TSGA10: variants seen among roughly 807,000 people sequenced by gnomAD.
The protein encoded by TSGA10 is testis specific 10.
A neutral mutation model predicts 96.6 loss-of-function variants in TSGA10; 43 were observed. That is an observed-to-expected ratio of 0.44 (90% CI 0.35 to 0.57). TSGA10 has a LOEUF of 0.57. Ranked by LOEUF, TSGA10 falls within the 20% of genes least tolerant of loss-of-function variation. TSGA10 has a pLI of 0.01. For synonymous variants in TSGA10, 229 were observed against 269.9 expected (o/e 0.85, Z 1.48); for missense variants, 703 against 834.4 (o/e 0.84, Z 1.94).
At chr2:99,054,936 G>A (rs1180343370) in intron 16 of TSGA10, among the ~76,000 whole-genome samples, 2 of 152,126 alleles carry the variant, frequency 1.3e-5, no homozygotes, top group East Asian at 3.8e-4. Context: ...TAGCCATTAT[G>A]GGAAACAGTA....
chr2:99,130,034 C>G (rs2093004641), intron 1 of TSGA10, among the ~76,000 whole-genome samples: 1 of 152,166 alleles, frequency 6.6e-6, no homozygotes. Flanking sequence ...TCTAGTCTAT[C>G]ATTGGTGGGC....
chr2:99,129,754 T>G (rs1042316368), intron 1 of TSGA10, among the ~76,000 whole-genome samples: 2 of 152,162 alleles, frequency 1.3e-5, no homozygotes, highest in African/African-American at 4.8e-5. Context: ...TTAAAAAAAA[T>G]TATTTTTTCT....
intron 11 of TSGA10, among the ~76,000 whole-genome samples, chr2:99,080,979 G>C (rs55790299): frequency 0.014 from 2,152 of 152,196 alleles, 24 homozygotes; most frequent in Middle Eastern, 0.034. Flanking sequence ...AGCAGCTATG[G>C]ACAAGCTACA....
At chr2:99,073,134 G>C in intron 12 of TSGA10, 61 bp from the exon 13 acceptor site, 1 of 1,170,114 alleles carries the variant, frequency 8.5e-7, no homozygotes, top group Admixed American at 2.1e-5. Context: ...TGTTAAAATT[G>C]AATGAACAAA....
chr2:99,083,985 T>C (rs1169633548), intron 10 of TSGA10, among the ~76,000 whole-genome samples: 1 of 152,236 alleles, frequency 6.6e-6, no homozygotes, highest in African/African-American at 2.4e-5. Context: ...TATTGTACTA[T>C]AGTGATATAA....
intron 10 of TSGA10, chr2:99,102,682 T>C: frequency 6.2e-7 from 1 of 1,613,484 alleles, no homozygotes; most frequent in Non-Finnish European, 8.5e-7. Context: ...AGAAATAAGG[T>C]TAGTCATATT....
At chr2:99,095,636 T>C (rs1463811170) in intron 10 of TSGA10, among the ~76,000 whole-genome samples, 3 of 152,056 alleles carry the variant, frequency 2.0e-5, no homozygotes, top group African/African-American at 7.2e-5. Flanking sequence ...ATATTACAAC[T>C]GACATCACAG....
At chr2:99,096,905 T>G (rs1323775477) in intron 10 of TSGA10, among the ~76,000 whole-genome samples, 2 of 152,208 alleles carry the variant, frequency 1.3e-5, no homozygotes, top group Admixed American at 1.3e-4. Context: ...CAGTAATTAC[T>G]CTGGTAACTG....
intron 1 of TSGA10, among the ~76,000 whole-genome samples, chr2:99,129,754 T>A (rs1042316368): frequency 1.3e-5 from 2 of 152,162 alleles, no homozygotes; most frequent in Non-Finnish European, 2.9e-5. Context: ...TTAAAAAAAA[T>A]TATTTTTTCT....
At chr2:99,111,561 C>T (rs1446708954) in intron 4 of TSGA10, among the ~76,000 whole-genome samples, 4 of 152,130 alleles carry the variant, frequency 2.6e-5, no homozygotes, top group Non-Finnish European at 5.9e-5. Flanking sequence ...TTGCCTACTA[C>T]ATTTTTAATT....
chr2:99,143,131 AC>A (rs2093590896), intron 1 of TSGA10, among the ~76,000 whole-genome samples: 3 of 126,978 alleles, frequency 2.4e-5, no homozygotes, highest in Non-Finnish European at 3.3e-5. Context: ...CCCCAACTAA[AC>A]CTTTTTTTTT....
chr2:99,048,338 G>A (rs916579519), intron 16 of TSGA10, among the ~76,000 whole-genome samples: 1 of 152,116 alleles, frequency 6.6e-6, no homozygotes, highest in African/African-American at 2.4e-5. Context: ...CAAGGCTACA[G>A]TAACCAAAAC....
chr2:99,084,461 T>G (rs2087988569), intron 10 of TSGA10, among the ~76,000 whole-genome samples: 1 of 152,212 alleles, frequency 6.6e-6, no homozygotes. Flanking sequence ...GCTCCTGCCC[T>G]TGTCATGTGA....
intron 17 of TSGA10, among the ~76,000 whole-genome samples, chr2:99,031,474 C>A (rs2105048913): frequency 6.6e-6 from 1 of 152,034 alleles, no homozygotes; most frequent in South Asian, 2.1e-4. Flanking sequence ...GCCAAAAGCA[C>A]AATCCATAAA....
At chr2:99,091,578 C>T (rs2089346230) in intron 10 of TSGA10, among the ~76,000 whole-genome samples, 1 of 151,964 alleles carries the variant, frequency 6.6e-6, no homozygotes, top group South Asian at 2.1e-4. Context: ...ACATAAGAAT[C>T]CACATAAACT....
intron 1 of TSGA10, among the ~76,000 whole-genome samples, chr2:99,137,590 C>G (rs2093377381): frequency 6.6e-6 from 1 of 151,362 alleles, no homozygotes; most frequent in African/African-American, 2.4e-5. Context: ...TCTCCCTTCT[C>G]CCCTCCCACA....
chr2:99,087,060 C>T (rs1039145387), intron 10 of TSGA10, among the ~76,000 whole-genome samples: 24 of 152,026 alleles, frequency 1.6e-4, no homozygotes, highest in Non-Finnish European at 2.1e-4. Context: ...AAAAATTAGC[C>T]ACGTGTGGTG....
At chr2:99,129,637 A>AC (rs1421217375) in intron 1 of TSGA10, among the ~76,000 whole-genome samples, 3 of 152,172 alleles carry the variant, frequency 2.0e-5, no homozygotes, top group Admixed American at 2.0e-4. Flanking sequence ...CAGCTTCCCT[A>AC]CCTCAGGCCA....
At chr2:99,096,188 T>C (rs1023777502) in intron 10 of TSGA10, among the ~76,000 whole-genome samples, 4 of 152,224 alleles carry the variant, frequency 2.6e-5, no homozygotes, top group South Asian at 4.1e-4. Context: ...ATTAGGTACA[T>C]TGAGAATTAA....
Sources: gnomAD v4.1 joint callset for allele counts (sites outside exome capture counted in the v4.1 genomes callset) on GRCh38, gnomAD v4.1.1 for gene constraint, MANE v1.5 for transcripts, NCBI Gene and HGNC (gene_info 2026-07-23, HGNC 2026-07-21) for gene names.